Variants in PPP2R2D observed in about 807,000 individuals in gnomAD.
PPP2R2D encodes the protein serine/threonine-protein phosphatase 2A 55 kDa regulatory subunit B delta isoform.
PPP2R2D carries 9 observed loss-of-function variants against 31.1 expected under a neutral mutation model. The observed-to-expected ratio is 0.29, with a 90% CI of 0.17 to 0.51. PPP2R2D has a LOEUF of 0.51. Among genes scored for constraint, PPP2R2D ranks in the 20% least tolerant of loss-of-function variants. The probability of loss-of-function intolerance (pLI) is 0.98; values close to 1 mark genes in which losing one functional copy is unlikely to be tolerated. For missense variants in PPP2R2D, 391 were observed against 465.6 expected (o/e 0.84, Z 1.48); for synonymous variants, 179 against 172.6 (o/e 1.04, Z -0.29).
At chr10:131,943,147 A>G (rs1017770414) in intron 5 of PPP2R2D, among the ~76,000 whole-genome samples, 5 of 151,360 alleles carry the variant, frequency 3.3e-5, no homozygotes, top group Non-Finnish European at 7.4e-5. Context: ...TCCTTTTTTC[A>G]TGTGTGATGC....
chr10:131,951,940 G>A lies in PPP2R2D; in HGVS notation c.1083-3744G>A, dbSNP rs576728587. On this transcript the variant is annotated intron_variant, in intron 8 of 8. Coordinates refer to ENST00000455566, the MANE Select transcript of PPP2R2D (RefSeq NM_018461.5). ...ATAGGAGACCATCTTTCTTTCCAGA[G>A]TGGCAACACAGTGCAGGGGGGTCCC... 4.0e-4 allele frequency among the ~76,000 whole-genome samples: 61 copies of A among 152,368 alleles called. 1 individual carries two copies. The highest frequency in any genetic ancestry group is 8.8e-5 in the Non-Finnish European group (6 of 68,042).
Position 131,901,173 on chromosome 10 carries a change from G to A in PPP2R2D, c.7+18G>A. ...CATGGCAGGTGAGGGGTCTGCGCGG[G>A]CCGGCGGGGACCACGGGGGCGGGCG... On this transcript the variant is annotated intron_variant, in intron 1 of 8. Transcript: ENST00000455566. The A allele has an allele frequency of 3.1e-6, 1 of 320,230 alleles. No homozygotes were observed. The highest frequency in any genetic ancestry group is 5.7e-6 in the Non-Finnish European group (1 of 176,058). 19.8% of individuals were successfully genotyped at this position (320,230 alleles called of 1,614,324 possible).
intron 3 of PPP2R2D, among the ~76,000 whole-genome samples, chr10:131,937,166 A>T (rs1554896624): frequency 6.6e-6 from 1 of 152,258 alleles, no homozygotes; most frequent in Non-Finnish European, 1.5e-5. Flanking sequence ...CCTGAGATTC[A>T]GGAGTCAGGT....
intron 2 of PPP2R2D, among the ~76,000 whole-genome samples, chr10:131,928,317 G>A (rs982459297): frequency 2.0e-5 from 3 of 152,294 alleles, no homozygotes; most frequent in African/African-American, 4.8e-5. Flanking sequence ...GTGGCCTCGC[G>A]AGCAGCACCT....
At chr10:131,917,844 GTGTT>G (rs1369130233) in intron 2 of PPP2R2D, among the ~76,000 whole-genome samples, 5 of 121,988 alleles carry the variant, frequency 4.1e-5, no homozygotes, top group Non-Finnish European at 1.7e-5. Context: ...GAATGACACA[GTGTT>G]TGTAGGGACC....
At chr10:131,901,942 C>T (rs1237634404) in intron 2 of PPP2R2D, among the ~76,000 whole-genome samples, 1 of 152,222 alleles carries the variant, frequency 6.6e-6, no homozygotes, top group South Asian at 2.1e-4. Context: ...TTTAAGGTCT[C>T]TATTCCAGAT....
chr10:131,956,432 G>A lies in PPP2R2D; in HGVS notation c.*469G>A. ...CCGAGTCCAGGTGGACTCTGTGGAT[G>A]TGTGGATGTGGCCCGAGCAGGCTCA... On this transcript the variant is annotated 3_prime_UTR_variant, in exon 9 of 9. Transcript: ENST00000455566. 3.0e-6 allele frequency: 3 copies of A among 985,740 alleles called. No individual in the cohort carries two copies. Among genetic ancestry groups the A allele is most frequent in the Non-Finnish European group, 3.6e-6 (3 of 830,188 alleles). The allele number at this position is 985,740 out of a possible 1,614,324, so 61.1% of individuals were successfully genotyped here. A position where few individuals can be genotyped will look rare whatever the true frequency, so the allele number is the denominator to read the frequency against.
At chr10:131,944,918 G>T (rs1384299509) in intron 6 of PPP2R2D, among the ~76,000 whole-genome samples, 1 of 152,206 alleles carries the variant, frequency 6.6e-6, no homozygotes. Flanking sequence ...CGGCATTCTT[G>T]TGTTGTAGTT....
downstream of PPP2R2D, among the ~76,000 whole-genome samples, chr10:131,964,329 T>G (rs74615661): frequency 4.5e-3 from 665 of 148,038 alleles, 3 homozygotes; most frequent in African/African-American, 0.015. Context: ...TGACTTTGTG[T>G]TTTTTTTTTG....
chr10:131,964,193 T>C (rs1340902550), downstream of PPP2R2D, among the ~76,000 whole-genome samples: 1 of 152,216 alleles, frequency 6.6e-6, no homozygotes, highest in Non-Finnish European at 1.5e-5. Flanking sequence ...GTCTCTTCAC[T>C]GTAGAGTTAC....
At chr10:131,910,081 A>C (rs988904104) in intron 2 of PPP2R2D, among the ~76,000 whole-genome samples, 2 of 152,212 alleles carry the variant, frequency 1.3e-5, no homozygotes, top group Non-Finnish European at 2.9e-5. Context: ...TGGGCAGAAG[A>C]GGGGTCATCC....
In PPP2R2D at chr10:131,956,129, C is replaced by T. The variant is rs1375176197; in HGVS notation, c.*166C>T. On this transcript the variant is annotated 3_prime_UTR_variant, in exon 9 of 9. Transcript: ENST00000455566. ...CTCCGCTGGAGGCCCGGTGTGGTTC[C>T]GCCTCGGCGAGGCGCGAGACAGGCG... The T allele has an allele frequency of 3.2e-6, 4 of 1,252,724 alleles. No homozygotes were observed. The highest frequency in any genetic ancestry group is 1.5e-5 in the African/African-American group (1 of 64,954). 77.6% of individuals were successfully genotyped at this position (1,252,724 alleles called of 1,614,324 possible).
intron 2 of PPP2R2D, among the ~76,000 whole-genome samples, chr10:131,908,406 C>G (rs981183962): frequency 1.3e-5 from 2 of 152,210 alleles, no homozygotes; most frequent in Non-Finnish European, 2.9e-5. Flanking sequence ...TCAGTGTCGT[C>G]TTAGACTCCA....
intron 2 of PPP2R2D, among the ~76,000 whole-genome samples, chr10:131,914,132 G>A (rs1012565025): frequency 3.3e-5 from 5 of 152,222 alleles, no homozygotes; most frequent in South Asian, 2.1e-4. Flanking sequence ...ATGTTTAACC[G>A]CATCTAATGG....
At chr10:131,949,513 C>T (rs1056777910) in intron 8 of PPP2R2D, among the ~76,000 whole-genome samples, 9 of 152,134 alleles carry the variant, frequency 5.9e-5, no homozygotes, top group African/African-American at 2.2e-4. Context: ...TTACCAAGCA[C>T]ATACAGGAAA....
Position 131,956,176 on chromosome 10 carries a change from T to G in PPP2R2D, c.*213T>G, listed in dbSNP as rs1301390393. 4.1e-6 allele frequency: 5 copies of G among 1,228,522 alleles called. No individual in the cohort carries two copies. Among genetic ancestry groups the G allele is most frequent in the Non-Finnish European group, 4.1e-6 (4 of 986,094 alleles). The allele number at this position is 1,228,522 out of a possible 1,614,324, so 76.1% of individuals were successfully genotyped here. A position where few individuals can be genotyped will look rare whatever the true frequency, so the allele number is the denominator to read the frequency against. On this transcript the variant is annotated 3_prime_UTR_variant, in exon 9 of 9. Coordinates refer to ENST00000455566, the MANE Select transcript of PPP2R2D (RefSeq NM_018461.5). ...GGCGCTGCTGCTCACGTGGAGACGCTCTCGAAGCAGAGTTGACGGACACTG... is the reference window on the plus strand; with the variant it reads ...GGCGCTGCTGCTCACGTGGAGACGCGCTCGAAGCAGAGTTGACGGACACTG...
intron 5 of PPP2R2D, among the ~76,000 whole-genome samples, chr10:131,943,154 A>G (rs1253533866): frequency 6.6e-6 from 1 of 151,916 alleles, no homozygotes; most frequent in Non-Finnish European, 1.5e-5. Context: ...TTCATGTGTG[A>G]TGCTATTCCT....
chr10:131,913,645 T>C (rs1184419923), intron 2 of PPP2R2D, among the ~76,000 whole-genome samples: 2 of 152,100 alleles, frequency 1.3e-5, no homozygotes, highest in Non-Finnish European at 2.9e-5. Flanking sequence ...CTGAGCAATG[T>C]GTCGTTAGGC....
At chr10:131,971,273 A>G in the PPP2R2D span, 1 of 408,946 alleles carries the variant, frequency 2.4e-6, no homozygotes, top group Non-Finnish European at 4.6e-6. Context: ...AGCGGCAAAC[A>G]CTGTCCTAGG....
Sources: gnomAD v4.1 joint callset for allele counts (sites outside exome capture counted in the v4.1 genomes callset) on GRCh38, gnomAD v4.1.1 for gene constraint, MANE v1.5 for transcripts, NCBI Gene and HGNC (gene_info 2026-07-23, HGNC 2026-07-21) for gene names.